FLT1: variants seen among roughly 807,000 people sequenced by gnomAD.
FLT1 encodes the protein fms related receptor tyrosine kinase 1, also known as vascular endothelial growth factor receptor 1.
In FLT1, 49 loss-of-function variants were observed where a neutral mutation model predicts 156.3. The ratio of observed to expected loss-of-function variants is 0.31; its 90% CI spans 0.25 to 0.40. The LOEUF is 0.40. Ranked by LOEUF, FLT1 falls within the 10% of genes least tolerant of loss-of-function variation. The pLI is 1.00. For synonymous variants in FLT1, 594 were observed against 583.8 expected (o/e 1.02, Z -0.25); for missense variants, 1,322 against 1,637.2 (o/e 0.81, Z 3.32).
In FLT1 at chr13:28,474,485, G is replaced by GACACACACAC. The variant is rs57021123; in HGVS notation, c.65-6878_65-6869dup. ...AACAAAACAAAACAAAACAACCACA[G>GACACACACAC]ACACACACACACACACACACACACA... On this transcript the variant is annotated intron_variant, in intron 1 of 29. Coordinates refer to ENST00000282397, the MANE Select transcript of FLT1 (RefSeq NM_002019.4). Among the ~76,000 whole-genome samples, 64 of 112,484 alleles carry GACACACACAC rather than the reference G, an allele frequency of 5.7e-4. 1 individual carries two copies. The highest frequency in any genetic ancestry group is 1.6e-3 in the South Asian group (6 of 3,688). The allele number at this position is 112,484 out of a possible 152,430, so 73.8% of individuals were successfully genotyped here. A position where few individuals can be genotyped will look rare whatever the true frequency, so the allele number is the denominator to read the frequency against.
intron 25 of FLT1, among the ~76,000 whole-genome samples, chr13:28,313,572 C>CT (rs1225353206): frequency 6.6e-6 from 1 of 152,172 alleles, no homozygotes; most frequent in Non-Finnish European, 1.5e-5. Flanking sequence ...ACTATGTGGG[C>CT]TGGGCCTCAT....
Position 28,495,066 on chromosome 13 carries a change from T to A in FLT1, c.-223A>T, listed in dbSNP as rs1881696057. The A allele has an allele frequency of 1.1e-5, 5 of 469,254 alleles. No homozygotes were observed. The highest frequency in any genetic ancestry group is 1.1e-5 in the Non-Finnish European group (3 of 270,408). 29.1% of individuals were successfully genotyped at this position (469,254 alleles called of 1,614,324 possible). ...GGAGCCCGCTCCGAGCCGCCGCCGC[T>A]GCCGGGGAGGAGCCGAGAGGAGTGT... On this transcript the variant is annotated 5_prime_UTR_variant, in exon 1 of 30. Transcript: ENST00000282397. The surrounding 1 kb of genome is among the most constrained non-coding windows in gnomAD (Gnocchi z 4.1).
chr13:28,417,893 C>G (rs1876754328), intron 10 of FLT1, among the ~76,000 whole-genome samples: 1 of 152,022 alleles, frequency 6.6e-6, no homozygotes, highest in Non-Finnish European at 1.5e-5. Flanking sequence ...AACTACAAAC[C>G]CTCATGTTTC....
At chr13:28,319,309 A>G in intron 24 of FLT1, 114 bp downstream of exon 24, 1 of 725,440 alleles carries the variant, frequency 1.4e-6, no homozygotes. Flanking sequence ...ACACTTTAAG[A>G]GTTTTTTGTT....
At chr13:28,453,117 CTTTCCTTTCCTTTCCTTTCCTTTCT>C (rs1879071144) in intron 3 of FLT1, among the ~76,000 whole-genome samples, 1 of 95,004 alleles carries the variant, frequency 1.1e-5, no homozygotes, top group Non-Finnish European at 2.1e-5. Flanking sequence ...CTTTCCTTTC[CTTTCCTTTCCTTTCCTTTCCTTTCT>C]GACAGAGTTT....
chr13:28,411,749 C>T (rs1876208234), intron 10 of FLT1, among the ~76,000 whole-genome samples: 1 of 151,942 alleles, frequency 6.6e-6, no homozygotes, highest in Non-Finnish European at 1.5e-5. Flanking sequence ...GATTTGAGTA[C>T]CCAACACCCG....
chr13:28,386,394 T>A, intron 13 of FLT1: 2 of 1,023,622 alleles, frequency 2.0e-6, no homozygotes, highest in Non-Finnish European at 2.4e-6. Flanking sequence ...AGAAACAGAT[T>A]TCTCAATAAA....
intron 10 of FLT1, among the ~76,000 whole-genome samples, chr13:28,412,918 C>T (rs192308516): frequency 1.8e-4 from 27 of 152,024 alleles, no homozygotes; most frequent in African/African-American, 5.5e-4. Context: ...CAGAAAAAGG[C>T]GTAGCATTGG....
At chr13:28,461,037 A>C (rs1879548065) in intron 3 of FLT1, among the ~76,000 whole-genome samples, 1 of 152,044 alleles carries the variant, frequency 6.6e-6, no homozygotes, top group Non-Finnish European at 1.5e-5. Flanking sequence ...TCACAGGTGC[A>C]ATCACAGCTC....
Position 28,439,765 on chromosome 13 carries a change from C to T in FLT1, c.389-1420G>A, listed in dbSNP as rs1415293662. ...GCAAGCCAAAGAATGCCAAGGATTG[C>T]GGGCAACCACCAGCATGTAGGAAGA... On this transcript the variant is annotated intron_variant, in intron 3 of 29. Coordinates refer to ENST00000282397, the MANE Select transcript of FLT1 (RefSeq NM_002019.4). The surrounding 1 kb of genome is among the most constrained non-coding windows in gnomAD (Gnocchi z 4.1). Among the ~76,000 whole-genome samples, 1 of 152,130 alleles carries T rather than the reference C, an allele frequency of 6.6e-6. No homozygotes were observed. Among genetic ancestry groups the T allele is most frequent in the Admixed American group, 6.5e-5 (1 of 15,272 alleles).
At chr13:28,440,726 C>T (rs1250075099) in intron 3 of FLT1, among the ~76,000 whole-genome samples, 1 of 152,070 alleles carries the variant, frequency 6.6e-6, no homozygotes, top group Non-Finnish European at 1.5e-5. Flanking sequence ...AATCATTATA[C>T]CCTCTGTGCC....
intron 10 of FLT1, among the ~76,000 whole-genome samples, chr13:28,414,120 G>A (rs1876500306): frequency 6.6e-6 from 1 of 152,206 alleles, no homozygotes; most frequent in Admixed American, 6.5e-5. Flanking sequence ...AAGAAGTGTG[G>A]TCAGGGAGTT....
chr13:28,388,400 T>C (rs1466734175), intron 13 of FLT1: 1 of 1,056,158 alleles, frequency 9.5e-7, no homozygotes, highest in Non-Finnish European at 1.1e-6. Context: ...TGTCACCTCC[T>C]ATTGAACTGC....
intron 3 of FLT1, among the ~76,000 whole-genome samples, chr13:28,448,562 T>A (rs2137580902): frequency 6.6e-6 from 1 of 152,238 alleles, no homozygotes; most frequent in East Asian, 1.9e-4. Flanking sequence ...GAGACAAATC[T>A]ATGGGAACAG....
intron 20 of FLT1, among the ~76,000 whole-genome samples, chr13:28,326,924 T>C (rs1322555113): frequency 6.6e-6 from 1 of 152,154 alleles, no homozygotes; most frequent in Non-Finnish European, 1.5e-5. Context: ...AGAGTATATG[T>C]AGGGATGACA....
chr13:28,407,736 T>A (rs1363124926), intron 10 of FLT1, among the ~76,000 whole-genome samples: 1 of 152,234 alleles, frequency 6.6e-6, no homozygotes, highest in Non-Finnish European at 1.5e-5. Context: ...TATAACCTTA[T>A]AATAATCATG....
At chr13:28,406,707 G>A (rs1406400051) in intron 10 of FLT1, among the ~76,000 whole-genome samples, 1 of 152,008 alleles carries the variant, frequency 6.6e-6, no homozygotes, top group Non-Finnish European at 1.5e-5. Context: ...GTGCAGTGGT[G>A]CAATCATAGG....
chr13:28,425,067 AC>A (rs1877262360), intron 10 of FLT1, among the ~76,000 whole-genome samples: 1 of 152,172 alleles, frequency 6.6e-6, no homozygotes, highest in Admixed American at 6.6e-5. Flanking sequence ...TTTCTGAAAC[AC>A]CTCTAAGTTA....
In FLT1 at chr13:28,333,064, T is replaced by C. The variant is rs1476493840; in HGVS notation, c.2593+961A>G. Among the ~76,000 whole-genome samples the C allele has an allele frequency of 3.9e-5, 6 of 152,162 alleles. No individual in the cohort carries two copies. In the East Asian group the frequency reaches 1.2e-3, roughly 29 times the overall value. On this transcript the variant is annotated intron_variant, in intron 18 of 29. Coordinates refer to ENST00000282397, the MANE Select transcript of FLT1 (RefSeq NM_002019.4). Reference sequence around the variant, plus strand: ...GTTTTATTAGTTTTTTCTTGAGGAGTAAACCTTTTGAAGTTGAAAATATAT... The same window carrying C: ...GTTTTATTAGTTTTTTCTTGAGGAGCAAACCTTTTGAAGTTGAAAATATAT...
Sources: allele counts gnomAD v4.1 joint callset (sites outside exome capture counted in the v4.1 genomes callset), GRCh38; gene constraint gnomAD v4.1.1; non-coding constraint Gnocchi (gnomAD v3.1); transcripts MANE v1.5; gene names NCBI Gene and HGNC (gene_info 2026-07-23, HGNC 2026-07-21).